Variants in KRABD5 observed in about 807,000 individuals in gnomAD.
The protein encoded by KRABD5 is KRAB domain containing 5, also known as KRAB domain-containing protein 5.
chr16:31,720,894 G>A, the KRABD5 span, among the ~76,000 whole-genome samples: 2 of 152,224 alleles, frequency 1.3e-5, no homozygotes, highest in South Asian at 2.1e-4. Context: ...TTTGTTGACC[G>A]TAAATACTGG....
At chr16:31,750,877 A>G in the KRABD5 span, among the ~76,000 whole-genome samples, 1 of 152,104 alleles carries the variant, frequency 6.6e-6, no homozygotes, top group African/African-American at 2.4e-5. Flanking sequence ...CTCATGCCTC[A>G]GTCGCCAGAG....
the KRABD5 span, among the ~76,000 whole-genome samples, chr16:31,728,990 A>G: frequency 6.6e-6 from 1 of 152,146 alleles, no homozygotes; most frequent in Non-Finnish European, 1.5e-5. Context: ...TAATTGCTCT[A>G]TCCTCTAGAC....
At chr16:31,729,829 A>T in the KRABD5 span, among the ~76,000 whole-genome samples, 5 of 150,678 alleles carry the variant, frequency 3.3e-5, no homozygotes, top group African/African-American at 1.2e-4. Flanking sequence ...TCTAGTGGTT[A>T]TAAGACTTAC....
chr16:31,719,861 C>T, the KRABD5 span, among the ~76,000 whole-genome samples: 1 of 152,328 alleles, frequency 6.6e-6, no homozygotes, highest in East Asian at 1.9e-4. Flanking sequence ...CCAGTAGTTG[C>T]TTCACAAGTA....
chr16:31,753,682 T>C, the KRABD5 span: 2 of 1,273,096 alleles, frequency 1.6e-6, no homozygotes, highest in Non-Finnish European at 2.1e-6. Flanking sequence ...GTTCTCAACG[T>C]GATATAATTT....
At chr16:31,729,390 C>T in the KRABD5 span, among the ~76,000 whole-genome samples, 4 of 152,186 alleles carry the variant, frequency 2.6e-5, no homozygotes, top group Non-Finnish European at 5.9e-5. Flanking sequence ...CTGGTGAAGA[C>T]CTTTTTGCTG....
At chr16:31,729,323 A>G in the KRABD5 span, among the ~76,000 whole-genome samples, 1 of 151,952 alleles carries the variant, frequency 6.6e-6, no homozygotes, top group Non-Finnish European at 1.5e-5. Context: ...AAGGAATACA[A>G]ATTAATTTAG....
chr16:31,744,812 A>G, the KRABD5 span, among the ~76,000 whole-genome samples: 1 of 148,562 alleles, frequency 6.7e-6, no homozygotes, highest in African/African-American at 2.5e-5. Context: ...TTATTAGTCT[A>G]TTCAGGGATT....
At chr16:31,727,513 T>A in the KRABD5 span, among the ~76,000 whole-genome samples, 1 of 152,226 alleles carries the variant, frequency 6.6e-6, no homozygotes, top group African/African-American at 2.4e-5. Flanking sequence ...CACTTTTCAT[T>A]ACATGCAAAC....
At chr16:31,761,014 C>A in the KRABD5 span, 1 of 152,172 alleles carries the variant, frequency 6.6e-6, no homozygotes, top group African/African-American at 2.4e-5. Flanking sequence ...CTCTCCAGAA[C>A]CTCAAGGGCC....
At chr16:31,729,351 A>G in the KRABD5 span, among the ~76,000 whole-genome samples, 2 of 152,238 alleles carry the variant, frequency 1.3e-5, no homozygotes, top group Admixed American at 1.3e-4. Context: ...TTCTGGAGGC[A>G]GGGAAGGCAG....
At chr16:31,714,076 CTT>C in the KRABD5 span, among the ~76,000 whole-genome samples, 61 of 152,342 alleles carry the variant, frequency 4.0e-4, no homozygotes, top group Admixed American at 1.0e-3. Flanking sequence ...CAGGTCCTCT[CTT>C]TTGCAGTGGA....
chr16:31,741,903 TCTA>T, the KRABD5 span, among the ~76,000 whole-genome samples: 1 of 152,168 alleles, frequency 6.6e-6, no homozygotes, highest in African/African-American at 2.4e-5. Flanking sequence ...CAGATTTTCT[TCTA>T]GTATTTTTAT....
the KRABD5 span, chr16:31,759,425 G>A: frequency 6.5e-7 from 1 of 1,532,334 alleles, no homozygotes; most frequent in African/African-American, 1.4e-5. Flanking sequence ...CCAAAGACAA[G>A]TGAATTTTCT....
chr16:31,722,479 A>G, the KRABD5 span: 3 of 861,042 alleles, frequency 3.5e-6, no homozygotes, highest in South Asian at 5.2e-5. Flanking sequence ...AGAAAATATT[A>G]TTGTGTTTAA....
At chr16:31,723,904 TA>T in the KRABD5 span, among the ~76,000 whole-genome samples, 24 of 151,628 alleles carry the variant, frequency 1.6e-4, no homozygotes, top group East Asian at 1.9e-3. Flanking sequence ...TTCCTAAATA[TA>T]AAAAAAAATC....
the KRABD5 span, among the ~76,000 whole-genome samples, chr16:31,745,804 G>A: frequency 7.2e-5 from 11 of 152,278 alleles, no homozygotes; most frequent in African/African-American, 2.6e-4. Context: ...GGGTGTTCCT[G>A]TATTGGGTGC....
the KRABD5 span, among the ~76,000 whole-genome samples, chr16:31,746,641 C>T: frequency 6.6e-6 from 1 of 152,150 alleles, no homozygotes; most frequent in Non-Finnish European, 1.5e-5. Flanking sequence ...CTCTGTATTT[C>T]CTGAATTTGC....
the KRABD5 span, chr16:31,758,190 C>T: frequency 6.6e-6 from 1 of 152,090 alleles, no homozygotes; most frequent in Non-Finnish European, 1.5e-5. Flanking sequence ...GGGGACTTTT[C>T]AAAGGGAGCC....
Sources: allele counts gnomAD v4.1 joint callset (sites outside exome capture counted in the v4.1 genomes callset), GRCh38; gene constraint gnomAD v4.1.1; transcripts MANE v1.5; gene names NCBI Gene and HGNC (gene_info 2026-07-23, HGNC 2026-07-21).